Variants in ELMO1 observed in about 807,000 individuals in gnomAD.
The protein encoded by ELMO1 is engulfment and cell motility protein 1.
ELMO1 carries 26 observed loss-of-function variants against 98.9 expected under a neutral mutation model. The observed-to-expected ratio is 0.26, with a 90% confidence interval of 0.19 to 0.36. The LOEUF (loss-of-function observed/expected upper bound fraction) is 0.36, where lower values mean the gene tolerates loss of function less well. ELMO1 is among the 10% of genes least tolerant of loss of function. The pLI, the probability that ELMO1 is intolerant of heterozygous loss-of-function variation, is 1.00. For missense variants in ELMO1, 627 were observed against 935.2 expected (o/e 0.67, Z 4.30); for synonymous variants, 346 against 346.0 (o/e 1.00, Z 0.00).
chr7:36,927,181 C>A (rs149794055), intron 16 of ELMO1, among the ~76,000 whole-genome samples: 1 of 152,236 alleles, frequency 6.6e-6, no homozygotes, highest in East Asian at 1.9e-4. Context: ...AAAACCGAGG[C>A]AACTTGCCTG....
chr7:37,054,453 G>A (rs560890270), intron 15 of ELMO1, among the ~76,000 whole-genome samples: 14 of 152,280 alleles, frequency 9.2e-5, no homozygotes, highest in African/African-American at 3.1e-4. Context: ...CATAAGAACG[G>A]CACTGCAAGG....
At chr7:36,954,849 C>T (rs1202308842) in intron 16 of ELMO1, among the ~76,000 whole-genome samples, 3 of 152,178 alleles carry the variant, frequency 2.0e-5, no homozygotes, top group Non-Finnish European at 4.4e-5. Flanking sequence ...GTCCTAATCA[C>T]ATTAAATTAG....
At chr7:36,921,200 C>A (rs1785126113) in intron 16 of ELMO1, among the ~76,000 whole-genome samples, 1 of 152,176 alleles carries the variant, frequency 6.6e-6, no homozygotes, top group African/African-American at 2.4e-5. Context: ...ACAAATTACC[C>A]CGTCTAAGGT....
intron 1 of ELMO1, among the ~76,000 whole-genome samples, chr7:37,345,634 G>A (rs993096837): frequency 6.6e-6 from 1 of 151,992 alleles, no homozygotes; most frequent in Non-Finnish European, 1.5e-5. Flanking sequence ...TTGAACCCGG[G>A]AGGTGGAGGT....
chr7:36,858,476 G>C (rs1000487928), intron 21 of ELMO1, among the ~76,000 whole-genome samples: 1 of 152,138 alleles, frequency 6.6e-6, no homozygotes, highest in Non-Finnish European at 1.5e-5. Flanking sequence ...ATTGCGGTGG[G>C]AAAAATAATA....
intron 16 of ELMO1, among the ~76,000 whole-genome samples, chr7:36,953,753 A>C (rs1788195030): frequency 6.6e-6 from 1 of 151,938 alleles, no homozygotes; most frequent in Non-Finnish European, 1.5e-5. Context: ...GGCAACTTAA[A>C]GGTGTATGTG....
chr7:37,189,348 G>T (rs990499978), intron 13 of ELMO1, among the ~76,000 whole-genome samples: 3 of 152,194 alleles, frequency 2.0e-5, no homozygotes, highest in Non-Finnish European at 4.4e-5. Context: ...GGGAAGAAAT[G>T]AATCCTTTTG....
chr7:36,879,373 C>T (rs1420885863), intron 18 of ELMO1, among the ~76,000 whole-genome samples: 1 of 152,324 alleles, frequency 6.6e-6, no homozygotes, highest in East Asian at 1.9e-4. Flanking sequence ...CACCACTGTG[C>T]GGTTGGTACC....
intron 18 of ELMO1, among the ~76,000 whole-genome samples, chr7:36,879,497 A>T (rs530746679): frequency 2.6e-5 from 4 of 152,254 alleles, no homozygotes; most frequent in Non-Finnish European, 5.9e-5. Flanking sequence ...TTTTCTCTCT[A>T]AAATTGCTGT....
chr7:37,011,004 CCT>C (rs1793510774), intron 16 of ELMO1, among the ~76,000 whole-genome samples: 1 of 152,188 alleles, frequency 6.6e-6, no homozygotes, highest in Non-Finnish European at 1.5e-5. Flanking sequence ...AACCTCTGGC[CCT>C]CAGGCCTGGA....
chr7:37,149,588 T>A (rs1297050181), intron 13 of ELMO1, among the ~76,000 whole-genome samples: 1 of 152,242 alleles, frequency 6.6e-6, no homozygotes, highest in Admixed American at 6.5e-5. Context: ...CTTATTGATT[T>A]GCATACTGTC....
intron 16 of ELMO1, among the ~76,000 whole-genome samples, chr7:36,934,277 C>T (rs1584396248): frequency 6.6e-6 from 1 of 152,220 alleles, no homozygotes; most frequent in East Asian, 1.9e-4. Context: ...TGCTGCAACG[C>T]TTTCTTAAAA....
chr7:37,239,047 G>A (rs1039712229), intron 7 of ELMO1, among the ~76,000 whole-genome samples: 9 of 152,148 alleles, frequency 5.9e-5, no homozygotes, highest in South Asian at 2.1e-4. Flanking sequence ...ATGAGAACTG[G>A]TCCCTCTCCT....
At chr7:37,006,187 A>T (rs1793109971) in intron 16 of ELMO1, among the ~76,000 whole-genome samples, 2 of 152,224 alleles carry the variant, frequency 1.3e-5, no homozygotes, top group South Asian at 4.1e-4. Context: ...CCCCATACAG[A>T]GGTATAAAAC....
rs549547779 is a variant in ELMO1 at position 36,980,449 on chromosome 7, T to A, written c.1437+32850A>T. Among the ~76,000 whole-genome samples, 5 of 152,298 alleles carry A rather than the reference T, an allele frequency of 3.3e-5. 1 individual carries two copies. Among genetic ancestry groups the A allele is most frequent in the African/African-American group, 7.2e-5 (3 of 41,542 alleles). Reference sequence around the variant, plus strand: ...TCAGAAGTTTGACGCATATATGACATAGGAAGTCACCAAGTCTAAACTTCA... The same window carrying A: ...TCAGAAGTTTGACGCATATATGACAAAGGAAGTCACCAAGTCTAAACTTCA... On this transcript the variant is annotated intron_variant, in intron 16 of 21. Coordinates refer to ENST00000310758, the MANE Select transcript of ELMO1 (RefSeq NM_014800.11).
intron 16 of ELMO1, among the ~76,000 whole-genome samples, chr7:36,949,306 C>T (rs1473265604): frequency 2.0e-5 from 3 of 152,232 alleles, no homozygotes; most frequent in Admixed American, 2.0e-4. Flanking sequence ...CATTCCCTTG[C>T]CTTGTGCCTT....
At chr7:37,147,928 G>A (rs1180583396) in intron 13 of ELMO1, among the ~76,000 whole-genome samples, 5 of 152,054 alleles carry the variant, frequency 3.3e-5, no homozygotes, top group East Asian at 3.9e-4. Context: ...ACTAACTTCC[G>A]TTGTTAGTTG....
intron 6 of ELMO1, among the ~76,000 whole-genome samples, chr7:37,255,570 C>A (rs2130774367): frequency 6.6e-6 from 1 of 152,360 alleles, no homozygotes; most frequent in South Asian, 2.1e-4. Context: ...GGCTCCACCA[C>A]AGGCCCCTGT....
intron 13 of ELMO1, among the ~76,000 whole-genome samples, chr7:37,138,620 T>A (rs537137732): frequency 2.0e-5 from 3 of 152,264 alleles, no homozygotes; most frequent in Admixed American, 2.0e-4. Flanking sequence ...ACCAGATGGA[T>A]TCACAGCTGA....
Sources: gnomAD v4.1 joint callset for allele counts (sites outside exome capture counted in the v4.1 genomes callset) on GRCh38, gnomAD v4.1.1 for gene constraint, MANE v1.5 for transcripts, NCBI Gene and HGNC (gene_info 2026-07-23, HGNC 2026-07-21) for gene names.